The following CLSPN variants were observed in gnomAD, a reference collection of about 807,000 sequenced individuals.
CLSPN encodes claspin, also known as claspin homolog.
A neutral mutation model predicts 156.3 loss-of-function variants in CLSPN; 85 were observed. That is an observed-to-expected ratio of 0.54 (90% CI 0.46 to 0.65). The LOEUF (loss-of-function observed/expected upper bound fraction) is 0.65, where lower values mean the gene tolerates loss of function less well. CLSPN is among the 30% of genes least tolerant of loss of function. The probability of loss-of-function intolerance (pLI) is 0.00; values close to 1 mark genes in which losing one functional copy is unlikely to be tolerated. For synonymous variants in CLSPN, 534 were observed against 542.4 expected (o/e 0.98, Z 0.22); for missense variants, 1,407 against 1,554.9 (o/e 0.90, Z 1.60).
At position 35,743,225 on chromosome 1, in the gene CLSPN, G is replaced by A. The variant is rs1319903669; in HGVS notation, c.3059C>T (p.Ser1020Phe). 1 of 1,613,322 alleles carries A rather than the reference G, an allele frequency of 6.2e-7. No individual in the cohort carries two copies. Among genetic ancestry groups the A allele is most frequent in the African/African-American group, 1.3e-5 (1 of 74,904 alleles). ...GTCTTCCAGTGCCAGATCATTACCA[G>A]AGTCACTGTGTTCATCCTACAAAAT... is the stretch of plus-strand genomic sequence containing the variant. ...FDSDEDEHSD[S>F]GNDLALEDHE... Residue 1020 changes from serine to phenylalanine, a missense_variant, in exon 18 of 25, where the codon TCT (serine) becomes TTT (phenylalanine). Ser to Phe is a radical substitution (Grantham distance 155, BLOSUM62 -2). Transcript: ENST00000318121.
intron 10 of CLSPN, 80 bp downstream of exon 10, chr1:35,751,167 GCTT>G (rs1642070049): frequency 6.6e-7 from 1 of 1,521,752 alleles, no homozygotes. Context: ...AATTGAACAT[GCTT>G]ATTATACTCT....
rs2148610474 is a variant in CLSPN at position 35,733,889 on chromosome 1, G to C, written c.*2607C>G. 4.8e-6 allele frequency: 3 copies of C among 618,802 alleles called. No homozygotes were observed. The highest frequency in any genetic ancestry group is 1.6e-3 in the Middle Eastern group (2 of 1,220). The allele number at this position is 618,802 out of a possible 1,614,324, so 38.3% of individuals were successfully genotyped here. A position where few individuals can be genotyped will look rare whatever the true frequency, so the allele number is the denominator to read the frequency against. On this transcript the variant is annotated 3_prime_UTR_variant, in exon 25 of 25. Coordinates refer to ENST00000318121, the MANE Select transcript of CLSPN (RefSeq NM_022111.4). ...CCAGCTATTCCAAAGGTTGAGGAAGGAGGATGCTGAAGCCCAGGAGTTCAA... is the reference window on the plus strand; with the variant it reads ...CCAGCTATTCCAAAGGTTGAGGAAGCAGGATGCTGAAGCCCAGGAGTTCAA...
rs753200977 is a variant in CLSPN, at chr1:35,745,525, C to T, written c.2892G>A (p.Gln964=). 1 of 1,614,030 alleles carries T rather than the reference C, an allele frequency of 6.2e-7. No homozygotes were observed. The highest frequency in any genetic ancestry group is 1.7e-5 in the Admixed American group (1 of 60,018). ...STPASSELNK[Q]EKESSMGDPM... ...GATCACCCATGCTGCTCTCCTTCTC[C>T]TGTTTATTTAACTCTGATGAGGCTG... Residue 964 remains glutamine (Q), a synonymous_variant, in exon 16 of 25, where the codon CAG becomes CAA. Coordinates refer to ENST00000318121, the MANE Select transcript of CLSPN (RefSeq NM_022111.4).
At position 35,736,400 on chromosome 1, in the gene CLSPN, G is replaced by A; in HGVS notation, c.*96C>T. ...CAATCTTATTGCATTGATTATGAAA[G>A]AAGGAAGGATCATTGGCTGGAGTGT... On this transcript the variant is annotated 3_prime_UTR_variant, in exon 25 of 25. Transcript: ENST00000318121. 2 of 1,464,586 alleles carry A rather than the reference G, an allele frequency of 1.4e-6. No homozygotes were observed. Among genetic ancestry groups the A allele is most frequent in the Non-Finnish European group, 9.0e-7 (1 of 1,109,924 alleles). The allele number at this position is 1,464,586 out of a possible 1,614,324, so 90.7% of individuals were successfully genotyped here. A position where few individuals can be genotyped will look rare whatever the true frequency, so the allele number is the denominator to read the frequency against.
In CLSPN at chr1:35,736,132, C is replaced by T. The variant is rs1641462115; in HGVS notation, c.*364G>A. ...ACTCGGGAGGCTGAAGGAGGAGAAT[C>T]GCTTGAACCTGGGAGGCAGAGATTG... On this transcript the variant is annotated 3_prime_UTR_variant, in exon 25 of 25. Transcript: ENST00000318121. The T allele has an allele frequency of 3.2e-6, 2 of 624,928 alleles. No individual in the cohort carries two copies. Among genetic ancestry groups the T allele is most frequent in the Non-Finnish European group, 4.0e-6 (2 of 500,934 alleles). 38.7% of individuals were successfully genotyped at this position (624,928 alleles called of 1,614,324 possible).
chr1:35,729,189 C>G (rs1272994353), downstream of CLSPN, among the ~76,000 whole-genome samples: 1 of 152,134 alleles, frequency 6.6e-6, no homozygotes, highest in Non-Finnish European at 1.5e-5. Flanking sequence ...GCCAAAAAAC[C>G]CAAACCACGG....
At chr1:35,756,671 C>T (rs1022756347) in intron 8 of CLSPN, among the ~76,000 whole-genome samples, 1 of 152,148 alleles carries the variant, frequency 6.6e-6, no homozygotes, top group African/African-American at 2.4e-5. Flanking sequence ...GAATTAGAGG[C>T]AGGGATTATT....
intron 20 of CLSPN, 96 bp from the exon 21 acceptor site, chr1:35,738,678 T>C: frequency 8.0e-7 from 1 of 1,247,784 alleles, no homozygotes; most frequent in Non-Finnish European, 1.1e-6. Flanking sequence ...TACTATATAA[T>C]GATGTAAACT....
exon 25 of CLSPN, chr1:35,720,960 A>G: frequency 6.2e-7 from 1 of 1,611,218 alleles, no homozygotes; most frequent in Non-Finnish European, 8.5e-7. Context: ...TGAGCCAGTC[A>G]GAGTCCTTCT....
At chr1:35,753,675 T>C (rs1355995115) in intron 9 of CLSPN, 70 bp downstream of exon 9, 12 of 1,420,620 alleles carry the variant, frequency 8.4e-6, no homozygotes, top group Non-Finnish European at 1.2e-5. Context: ...TTATAAGGTT[T>C]TCAATAGCCT....
intron 18 of CLSPN, among the ~76,000 whole-genome samples, chr1:35,741,354 C>T (rs944964165): frequency 1.4e-4 from 21 of 152,100 alleles, no homozygotes; most frequent in Admixed American, 7.2e-4. Flanking sequence ...GAGTTTCTCT[C>T]GTCGCCCAGG....
downstream of CLSPN, among the ~76,000 whole-genome samples, chr1:35,728,165 C>G (rs560785922): frequency 5.9e-5 from 9 of 151,580 alleles, no homozygotes; most frequent in South Asian, 1.9e-3. Context: ...CTCATTGCAG[C>G]CACAACCTCC....
intron 1 of CLSPN, among the ~76,000 whole-genome samples, chr1:35,766,191 C>T (rs1239973583): frequency 6.6e-6 from 1 of 151,572 alleles, no homozygotes; most frequent in Non-Finnish European, 1.5e-5. Context: ...GACAAGGTTT[C>T]ACCATGCTGG....
intron 1 of CLSPN, among the ~76,000 whole-genome samples, chr1:35,768,229 G>C (rs1031869786): frequency 3.9e-5 from 6 of 152,042 alleles, no homozygotes; most frequent in African/African-American, 1.2e-4. Context: ...TTAGCTGGGC[G>C]TGGTGGTGTG....
chr1:35,761,026 T>G, intron 7 of CLSPN, 70 bp downstream of exon 7: 2 of 1,429,658 alleles, frequency 1.4e-6, no homozygotes, highest in Admixed American at 1.8e-5. Flanking sequence ...AAATCTGAAC[T>G]TTTTATGCCA....
At chr1:35,769,641 C>CGCGGGAAGCCCGGCGGCGGG (rs1642797956) in intron 1 of CLSPN, among the ~76,000 whole-genome samples, 1 of 152,148 alleles carries the variant, frequency 6.6e-6, no homozygotes, top group African/African-American at 2.4e-5. Context: ...GAGCCCGAAG[C>CGCGGGAAGCCCGGCGGCGGG]GCGGGAAGCC....
At chr1:35,752,306 G>A (rs1642114756) in intron 9 of CLSPN, among the ~76,000 whole-genome samples, 1 of 152,096 alleles carries the variant, frequency 6.6e-6, no homozygotes, top group Non-Finnish European at 1.5e-5. Context: ...AAGGCCGGGC[G>A]CAGTGACTCA....
At position 35,761,186 on chromosome 1, in the gene CLSPN, G is replaced by T; in HGVS notation, c.914C>A (p.Pro305Gln). Residue 305 changes from proline (P) to glutamine (Q), a missense_variant, in exon 7 of 25, where the codon CCA (proline) becomes CAA (glutamine). Around this residue, in one of 3 missense-constraint regions of CLSPN, gnomAD observed 1,096 missense variants for 1,193.0 expected, o/e 0.92. Coordinates refer to ENST00000318121, the MANE Select transcript of CLSPN (RefSeq NM_022111.4). Reference protein sequence around the residue: ...RLIRESALNLPYHMPENKTIH... With the variant: ...RLIRESALNLQYHMPENKTIH... ...GGTTTTATTCTCAGGCATATGATAT[G>T]GAAGGTTCAGTGCAGACTCTATAAA... The T allele has an allele frequency of 1.2e-6, 2 of 1,610,920 alleles. No homozygotes were observed. The highest frequency in any genetic ancestry group is 8.5e-7 in the Non-Finnish European group (1 of 1,177,110).
Position 35,733,978 on chromosome 1 carries a change from T to TA in CLSPN, c.*2517dup. ...CTGGGCAACAGAATGAGACTGTCTC[T>TA]AAAAAATAAGTTTTTTAAACAAAGA... is the stretch of plus-strand genomic sequence containing the variant. On this transcript the variant is annotated 3_prime_UTR_variant, in exon 25 of 25. Transcript: ENST00000318121. 1.0e-6 allele frequency: 1 copy of TA among 983,128 alleles called. No homozygotes were observed. Among genetic ancestry groups the TA allele is most frequent in the Non-Finnish European group, 1.2e-6 (1 of 827,810 alleles). The allele number at this position is 983,128 out of a possible 1,614,324, so 60.9% of individuals were successfully genotyped here.
Sources: allele counts gnomAD v4.1 joint callset (sites outside exome capture counted in the v4.1 genomes callset), GRCh38; gene constraint gnomAD v4.1.1; regional missense constraint gnomAD v4.1.1; transcripts MANE v1.5; gene names NCBI Gene and HGNC (gene_info 2026-07-23, HGNC 2026-07-21).